Variants in ANKHD1 observed in about 807,000 individuals in gnomAD.
ANKHD1 encodes ankyrin repeat and KH domain containing 1.
In ANKHD1, 31 loss-of-function variants were observed where a neutral mutation model predicts 230.5. The observed-to-expected ratio is 0.13, with a 90% CI of 0.10 to 0.18. The LOEUF (loss-of-function observed/expected upper bound fraction) is 0.18, where lower values mean the gene tolerates loss of function less well. Among genes scored for constraint, ANKHD1 ranks in the 10% least tolerant of loss-of-function variants. The probability of loss-of-function intolerance (pLI) is 1.00; values close to 1 mark genes in which losing one functional copy is unlikely to be tolerated. For missense variants in ANKHD1, 2,256 were observed against 3,071.3 expected, an observed-to-expected ratio of 0.73 and a Z score of 6.27; for synonymous variants, 1,074 against 1,117.6, an observed-to-expected ratio of 0.96 and a Z score of 0.78.
chr5:140,448,746 A>G (rs922714659), intron 6 of ANKHD1, among the ~76,000 whole-genome samples: 4 of 152,212 alleles, frequency 2.6e-5, no homozygotes, highest in African/African-American at 7.2e-5. Flanking sequence ...CTTATTGACT[A>G]TCAAGGCTTT....
intron 5 of ANKHD1, among the ~76,000 whole-genome samples, chr5:140,443,705 C>G (rs1011821842): frequency 1.1e-4 from 16 of 150,680 alleles, no homozygotes; most frequent in Non-Finnish European, 2.4e-4. Context: ...AAGAAAAATA[C>G]TCAAAAAAGA....
At chr5:140,455,465 A>G (rs1428561469) in intron 7 of ANKHD1, among the ~76,000 whole-genome samples, 2 of 152,234 alleles carry the variant, frequency 1.3e-5, no homozygotes, top group African/African-American at 4.8e-5. Context: ...AAAATCCTCA[A>G]TAAAATACTG....
chr5:140,507,114 A>T lies in ANKHD1; in HGVS notation c.3551+137A>T, dbSNP rs1752573040. ...TGCAAAGCCAACGATTATACCTATA[A>T]TGTGTTTGTTTATAAGTAATCTCAG... On this transcript the variant is annotated intron_variant, in intron 19 of 33. Transcript: ENST00000360839. The surrounding 1 kb of genome is among the most constrained non-coding windows in gnomAD (Gnocchi z 4.1). 1 of 1,282,372 alleles carries T rather than the reference A, an allele frequency of 7.8e-7. No homozygotes were observed. Among genetic ancestry groups the T allele is most frequent in the Non-Finnish European group, 1.0e-6 (1 of 953,736 alleles). The allele number at this position is 1,282,372 out of a possible 1,614,324, so 79.4% of individuals were successfully genotyped here.
intron 15 of ANKHD1, among the ~76,000 whole-genome samples, chr5:140,497,716 C>T (rs914452151): frequency 6.6e-5 from 10 of 152,110 alleles, no homozygotes; most frequent in East Asian, 1.9e-4. Flanking sequence ...GATCAACTTA[C>T]GTATTTCCAA....
chr5:140,440,191 T>G lies in ANKHD1; in HGVS notation c.690T>G (p.Ser230Arg), dbSNP rs1179073931. 6.2e-7 allele frequency: 1 copy of G among 1,613,436 alleles called. No homozygotes were observed. The highest frequency in any genetic ancestry group is 2.2e-5 in the East Asian group (1 of 44,814). ...AVRKLLDEGR[S>R]VNEHTEEGES... is the part of the protein sequence containing the mutation. ...GTAAATTGCTAGATGAAGGCAGAAG[T>G]GTAAATGAACATACAGAAGAAGGAG... Residue 230 changes from serine to arginine, a missense_variant, in exon 4 of 34, where the codon AGT becomes AGG. By Grantham distance (110) the Ser-to-Arg change is moderately radical. This residue lies in a region of ANKHD1 where 206 missense variants were observed against 304.5 expected (regional missense o/e 0.68). Transcript: ENST00000360839.
chr5:140,498,749 A>G (rs1752146687), intron 15 of ANKHD1, among the ~76,000 whole-genome samples: 2 of 152,156 alleles, frequency 1.3e-5, no homozygotes, highest in South Asian at 4.1e-4. Flanking sequence ...TGGGAATAAC[A>G]TTTTTAACAT....
intron 15 of ANKHD1, among the ~76,000 whole-genome samples, chr5:140,503,553 CTTTTTTTTTTTTT>C (rs70988767): frequency 0.026 from 1,331 of 51,530 alleles, 26 homozygotes; most frequent in African/African-American, 0.11. Flanking sequence ...AGTTTTCTTT[CTTTTTTTTTTTTT>C]TTTTTTTTTT....
intron 1 of ANKHD1, among the ~76,000 whole-genome samples, chr5:140,403,119 G>A (rs573574072): frequency 6.6e-6 from 1 of 151,628 alleles, no homozygotes; most frequent in South Asian, 2.1e-4. Flanking sequence ...ACAGGCGTGC[G>A]CCACCACGCC....
intron 10 of ANKHD1, among the ~76,000 whole-genome samples, chr5:140,473,166 T>A (rs2126999773): frequency 6.6e-6 from 1 of 151,744 alleles, no homozygotes; most frequent in South Asian, 2.1e-4. Context: ...GTAACTGGGA[T>A]TACAGGCGCG....
chr5:140,538,820 G>T, intron 32 of ANKHD1, 99 bp from the exon 33 acceptor site: 1 of 1,253,506 alleles, frequency 8.0e-7, no homozygotes, highest in Non-Finnish European at 1.0e-6. Context: ...TTCTTTAAAT[G>T]AGGAATATTA....
At chr5:140,442,030 A>ATTTTTTTTTTTTT (rs1561726990) in intron 5 of ANKHD1, among the ~76,000 whole-genome samples, 4 of 134,528 alleles carry the variant, frequency 3.0e-5, no homozygotes, top group African/African-American at 1.1e-4. Context: ...CTAATAAGAT[A>ATTTTTTTTTTTTT]TTCTTTTTTT....
intron 1 of ANKHD1, among the ~76,000 whole-genome samples, chr5:140,421,481 A>C (rs2126874598): frequency 6.6e-6 from 1 of 151,784 alleles, no homozygotes; most frequent in African/African-American, 2.4e-5. Flanking sequence ...TTGTATTTTT[A>C]GTAGAGACGA....
In ANKHD1 at chr5:140,507,827, A is replaced by G. The variant is rs772583363; in HGVS notation, c.3594A>G (p.Ala1198=). 1.2e-6 allele frequency: 2 copies of G among 1,614,180 alleles called. No homozygotes were observed. Among genetic ancestry groups the G allele is most frequent in the Non-Finnish European group, 1.7e-6 (2 of 1,180,034 alleles). ...GTATTTCTCCCCTGATGTTGGCTGC[A>G]ATGAATGGACATGTTCCTGCAGTAA... is the stretch of plus-strand genomic sequence containing the variant. ...KLGISPLMLA[A]MNGHVPAVKL... The change falls in exon 20 of 34, where the codon GCA becomes GCG. Residue 1198 remains alanine, a synonymous_variant. Transcript: ENST00000360839. This position sits in a 1 kb window ranked among gnomAD's most constrained non-coding sequence, Gnocchi z 4.1.
intron 10 of ANKHD1, among the ~76,000 whole-genome samples, chr5:140,475,717 C>T (rs1750926949): frequency 6.6e-6 from 1 of 152,104 alleles, no homozygotes; most frequent in African/African-American, 2.4e-5. Context: ...AGGTGTCCAG[C>T]AAAATATCTA....
At chr5:140,491,956 G>C (rs1384461943) in intron 14 of ANKHD1, among the ~76,000 whole-genome samples, 1 of 152,178 alleles carries the variant, frequency 6.6e-6, no homozygotes, top group African/African-American at 2.4e-5. Context: ...TTAAAGAGAT[G>C]TTTTAAAAAA....
At chr5:140,438,121 G>A (rs537087809) in intron 2 of ANKHD1, among the ~76,000 whole-genome samples, 11 of 152,276 alleles carry the variant, frequency 7.2e-5, no homozygotes, top group African/African-American at 2.6e-4. Context: ...CAGATATCCT[G>A]TACTAGAGAT....
intron 26 of ANKHD1, 129 bp from the exon 27 acceptor site, chr5:140,526,799 C>T (rs1753626147): frequency 7.7e-7 from 1 of 1,292,714 alleles, no homozygotes; most frequent in Non-Finnish European, 1.0e-6. Flanking sequence ...TTTTCTGACT[C>T]ATTGATTATT....
At chr5:140,435,379 T>A (rs1773357336) in intron 1 of ANKHD1, among the ~76,000 whole-genome samples, 1 of 151,542 alleles carries the variant, frequency 6.6e-6, no homozygotes, top group African/African-American at 2.4e-5. Flanking sequence ...AAAAAGTAAA[T>A]GCTTTTTTTT....
intron 14 of ANKHD1, among the ~76,000 whole-genome samples, chr5:140,492,811 C>T (rs1751865934): frequency 6.6e-6 from 1 of 152,048 alleles, no homozygotes; most frequent in Non-Finnish European, 1.5e-5. Context: ...TTCCATTGTA[C>T]AATGCACTGA....
Sources: allele counts gnomAD v4.1 joint callset (sites outside exome capture counted in the v4.1 genomes callset), GRCh38; gene constraint gnomAD v4.1.1; regional missense constraint gnomAD v4.1.1; non-coding constraint Gnocchi (gnomAD v3.1); transcripts MANE v1.5; gene names NCBI Gene and HGNC (gene_info 2026-07-23, HGNC 2026-07-21).